AGO3: variants seen among roughly 807,000 people sequenced by gnomAD.
AGO3 encodes argonaute RISC catalytic component 3, also known as protein argonaute-3.
AGO3 carries 16 observed loss-of-function variants against 105.5 expected under a neutral mutation model. That is an observed-to-expected ratio of 0.15 (90% CI 0.10 to 0.23). AGO3 has a LOEUF of 0.23. AGO3 is among the 10% of genes least tolerant of loss of function. The pLI, the probability that AGO3 is intolerant of heterozygous loss-of-function variation, is 1.00. For missense variants in AGO3, 534 were observed against 1,088.0 expected, an observed-to-expected ratio of 0.49 and a Z score of 7.16; for synonymous variants, 340 against 367.3, an observed-to-expected ratio of 0.93 and a Z score of 0.85.
At chr1:35,985,497 C>T (rs575332373) in intron 5 of AGO3, among the ~76,000 whole-genome samples, 9 of 152,254 alleles carry the variant, frequency 5.9e-5, no homozygotes, top group South Asian at 4.1e-4. Flanking sequence ...AGTCTAGAAA[C>T]GAGCCACATA....
At chr1:36,031,446 T>C (rs1362052497) in intron 12 of AGO3, among the ~76,000 whole-genome samples, 1 of 151,482 alleles carries the variant, frequency 6.6e-6, no homozygotes, top group African/African-American at 2.4e-5. Context: ...AATACCCTGT[T>C]TTTATTTGTT....
intron 11 of AGO3, among the ~76,000 whole-genome samples, chr1:36,016,671 G>A (rs1156938734): frequency 6.6e-6 from 1 of 151,940 alleles, no homozygotes; most frequent in Non-Finnish European, 1.5e-5. Context: ...AATCCCACTG[G>A]GAAATAGCAG....
chr1:36,041,658 A>C (rs1642256138), intron 16 of AGO3, among the ~76,000 whole-genome samples: 1 of 152,126 alleles, frequency 6.6e-6, no homozygotes, highest in Admixed American at 6.5e-5. Flanking sequence ...TAATGATACC[A>C]AGTGTTGTTT....
At chr1:35,953,712 A>G (rs1304533424) in intron 2 of AGO3, among the ~76,000 whole-genome samples, 5 of 151,958 alleles carry the variant, frequency 3.3e-5, no homozygotes, top group Non-Finnish European at 7.4e-5. Context: ...GGGTTTCACT[A>G]TATTGGCCAG....
At chr1:36,049,822 C>T (rs1451820616) in intron 17 of AGO3, among the ~76,000 whole-genome samples, 2 of 151,990 alleles carry the variant, frequency 1.3e-5, no homozygotes, top group African/African-American at 4.8e-5. Flanking sequence ...CAAAGAAGGT[C>T]ATTATATAAT....
chr1:35,985,100 G>A (rs929494844), intron 5 of AGO3, among the ~76,000 whole-genome samples: 42 of 152,058 alleles, frequency 2.8e-4, no homozygotes, highest in African/African-American at 9.6e-4. Context: ...TGACCAACAT[G>A]GTGAAACCCT....
intron 5 of AGO3, among the ~76,000 whole-genome samples, chr1:35,999,409 T>G (rs569326706): frequency 6.6e-6 from 1 of 152,184 alleles, no homozygotes; most frequent in Non-Finnish European, 1.5e-5. Flanking sequence ...TATAGTATCT[T>G]AAGTTCCAGG....
chr1:36,039,704 A>G (rs1439782677), intron 14 of AGO3, 86 bp from the exon 15 acceptor site: 1 of 1,009,088 alleles, frequency 9.9e-7, no homozygotes, highest in East Asian at 3.1e-5. Context: ...GTTACAGTAA[A>G]ATAAAAATGT....
intron 5 of AGO3, among the ~76,000 whole-genome samples, chr1:35,995,580 A>G (rs1648250245): frequency 6.6e-6 from 1 of 152,188 alleles, no homozygotes; most frequent in Non-Finnish European, 1.5e-5. Context: ...TTAACAGCAC[A>G]CAGAAAATTT....
chr1:35,935,993 A>G (rs1465681417), intron 1 of AGO3, among the ~76,000 whole-genome samples: 1 of 152,254 alleles, frequency 6.6e-6, no homozygotes, highest in Non-Finnish European at 1.5e-5. Flanking sequence ...TATCCTTTCC[A>G]GACCTGTTTA....
chr1:36,021,853 T>C (rs1266378742), intron 11 of AGO3, among the ~76,000 whole-genome samples: 1 of 152,108 alleles, frequency 6.6e-6, no homozygotes, highest in Non-Finnish European at 1.5e-5. Flanking sequence ...GACAATATGA[T>C]ACAGAATCTA....
intron 5 of AGO3, among the ~76,000 whole-genome samples, chr1:36,001,252 TAAATA>T (rs1640069460): frequency 6.6e-6 from 1 of 151,388 alleles, no homozygotes; most frequent in Admixed American, 6.6e-5. Flanking sequence ...AATGAATAAA[TAAATA>T]AAAATAAAAA....
In AGO3 at chr1:36,041,450, C is replaced by T. The variant is rs908990197; in HGVS notation, c.2172+1009C>T. On this transcript the variant is annotated intron_variant, in intron 16 of 18. Coordinates refer to ENST00000373191, the MANE Select transcript of AGO3 (RefSeq NM_024852.4). ...TAGAGACAGGGTTTCACCGTGTTAG[C>T]CAGGACGGTCTCGATCTCCTCACTT... Among the ~76,000 whole-genome samples, 51 of 152,064 alleles carry T rather than the reference C, an allele frequency of 3.4e-4. 1 individual carries two copies. Among genetic ancestry groups the T allele is most frequent in the Non-Finnish European group, 6.9e-4 (47 of 67,982 alleles).
At chr1:35,960,040 G>A (rs1398655371) in intron 2 of AGO3, among the ~76,000 whole-genome samples, 1 of 151,904 alleles carries the variant, frequency 6.6e-6, no homozygotes, top group African/African-American at 2.4e-5. Context: ...GACAGAATGG[G>A]ACTAAAAACT....
chr1:36,017,728 C>A (rs1464578425), intron 11 of AGO3, among the ~76,000 whole-genome samples: 1 of 151,974 alleles, frequency 6.6e-6, no homozygotes, highest in East Asian at 1.9e-4. Flanking sequence ...CATGGCAAAA[C>A]CCTGTCTCTA....
Position 36,059,117 on chromosome 1 carries a change from A to G in AGO3, c.*3372A>G, listed in dbSNP as rs1426875996. 2 of 152,132 alleles carry G rather than the reference A, an allele frequency of 1.3e-5. No individual in the cohort carries two copies. Among genetic ancestry groups the G allele is most frequent in the African/African-American group, 4.8e-5 (2 of 41,432 alleles). The allele number at this position is 152,132 out of a possible 1,614,324, so 9.4% of individuals were successfully genotyped here. ...TGGAAGGACTTTTTTAAGAGGAAAA[A>G]TATTTTTTCTAAATTATAAAGCTTT... On this transcript the variant is annotated 3_prime_UTR_variant, in exon 19 of 19. Transcript: ENST00000373191.
intron 5 of AGO3, among the ~76,000 whole-genome samples, chr1:35,986,960 T>C (rs1647206732): frequency 6.8e-6 from 1 of 146,676 alleles, no homozygotes; most frequent in East Asian, 2.1e-4. Flanking sequence ...TGCACCACTG[T>C]ATTCCAGCCT....
intron 17 of AGO3, among the ~76,000 whole-genome samples, chr1:36,045,700 A>G (rs1436045057): frequency 6.6e-6 from 1 of 150,428 alleles, no homozygotes; most frequent in Non-Finnish European, 1.5e-5. Flanking sequence ...CTGCCACCAC[A>G]CGCGGCTAAT....
In AGO3 at chr1:36,008,964, T is replaced by A; in HGVS notation, c.949T>A (p.Tyr317Asn). The A allele has an allele frequency of 6.2e-7, 1 of 1,613,488 alleles. No individual in the cohort carries two copies. Among genetic ancestry groups the A allele is most frequent in the East Asian group, 2.2e-5 (1 of 44,810 alleles). Residue 317 changes from tyrosine to asparagine, a missense_variant, in exon 8 of 19, where the codon TAT (tyrosine) becomes AAT (asparagine). This residue lies in a region of AGO3 where 373 missense variants were observed against 854.0 expected (regional missense o/e 0.44). Coordinates refer to ENST00000373191, the MANE Select transcript of AGO3 (RefSeq NM_024852.4). The surrounding 1 kb of genome is among the most constrained non-coding windows in gnomAD (Gnocchi z 5.1). ...AGTAGCGCAGTATTTCAGAGAAAAGTATACTCTTCAGCTGAAGTACCCGCA... is the reference window on the plus strand; with the variant it reads ...AGTAGCGCAGTATTTCAGAGAAAAGAATACTCTTCAGCTGAAGTACCCGCA... ...RTVAQYFREK[Y>N]TLQLKYPHLP...
Sources: gnomAD v4.1 joint callset for allele counts (sites outside exome capture counted in the v4.1 genomes callset) on GRCh38, gnomAD v4.1.1 for gene constraint, gnomAD v4.1.1 regional missense constraint, Gnocchi (gnomAD v3.1) non-coding constraint, MANE v1.5 for transcripts, NCBI Gene and HGNC (gene_info 2026-07-23, HGNC 2026-07-21) for gene names.